The following TRPT1 variants were observed in gnomAD, a reference collection of about 807,000 sequenced individuals.
TRPT1 encodes tRNA 2'-phosphotransferase 1.
TRPT1 carries 22 observed loss-of-function variants against 28.4 expected under a neutral mutation model. The observed-to-expected ratio is 0.78, with a 90% confidence interval of 0.55 to 1.11. TRPT1 has a LOEUF of 1.11. TRPT1 is among the 50% of genes least tolerant of loss of function. TRPT1 has a pLI of 0.00. For synonymous variants in TRPT1, 137 were observed against 132.4 expected (o/e 1.03, Z -0.24); for missense variants, 308 against 317.7 (o/e 0.97, Z 0.23).
At position 64,223,903 on chromosome 11, in the gene TRPT1, G is replaced by A. The variant is rs767364523; in HGVS notation, c.735C>T (p.Ser245=). ...ATTGTTGGATCCTCCTCCTTTCTCT[G>A]GAGCTGTGCTTGGGGCTACTCTGAC... ...TECQSSPKHS[S]RERRRIQQ The change falls in exon 8 of 8, where the codon TCC becomes TCT. Residue 245 remains serine, a synonymous_variant. Coordinates refer to ENST00000317459, the MANE Select transcript of TRPT1 (RefSeq NM_001033678.4). The A allele has an allele frequency of 1.6e-5, 25 of 1,611,818 alleles. No homozygotes were observed. The highest frequency in any genetic ancestry group is 2.0e-5 in the Non-Finnish European group (24 of 1,178,756).
intron 6 of TRPT1, 35 bp downstream of exon 6, chr11:64,224,250 A>G: frequency 6.2e-7 from 1 of 1,613,388 alleles, no homozygotes; most frequent in Non-Finnish European, 8.5e-7. Flanking sequence ...GCCCTCCCCG[A>G]AGGCAAGGGC....
intron 1 of TRPT1, 23 bp downstream of exon 1, chr11:64,226,027 A>G (rs1946996900): frequency 5.0e-6 from 3 of 598,828 alleles, no homozygotes; most frequent in Middle Eastern, 3.3e-4. Context: ...GAGGGAAACT[A>G]AGGCCCAGCA....
rs1159393439 is a variant in TRPT1 at position 64,224,556 on chromosome 11, G to A, written c.489C>T (p.Pro163=). ...IHLAPGLPGD[P]GIISGMRSHC... is the part of the protein sequence containing the mutation. ...GAGGGCACTGACCACTGATGATACC[G>A]GGGTCTCCAGGCAGTCCTGGGGCCA... The change falls in exon 5 of 8, where the codon CCC becomes CCT. Residue 163 remains proline, a synonymous_variant. Transcript: ENST00000317459. The A allele has an allele frequency of 6.4e-7, 1 of 1,568,264 alleles. No homozygotes were observed. Among genetic ancestry groups the A allele is most frequent in the East Asian group, 2.2e-5 (1 of 44,458 alleles).
At chr11:64,225,445 C>A in intron 3 of TRPT1, 54 bp downstream of exon 3, 1 of 1,498,702 alleles carries the variant, frequency 6.7e-7, no homozygotes, top group Non-Finnish European at 9.2e-7. Flanking sequence ...GAGTCGCAGA[C>A]AGGCTCACGT....
rs17849920 is a variant in TRPT1, at chr11:64,224,852, C to T, written c.276G>A (p.Gly92=). The T allele has an allele frequency of 6.2e-7, 1 of 1,613,452 alleles. No homozygotes were observed. Among genetic ancestry groups the T allele is most frequent in the East Asian group, 2.2e-5 (1 of 44,870 alleles). Residue 92 remains glycine, a synonymous_variant, in exon 4 of 8, where the codon GGG becomes GGA. Coordinates refer to ENST00000317459, the MANE Select transcript of TRPT1 (RefSeq NM_001033678.4). ...NRKQRFALQL[G]DPSTGLLIRA... is the part of the protein sequence containing the mutation. Reference sequence around the variant, plus strand: ...GGATGAGAAGGCCAGTGCTGGGATCCCCCAGCTGCAGGGCGAACCGCTGCT... The same window carrying T: ...GGATGAGAAGGCCAGTGCTGGGATCTCCCAGCTGCAGGGCGAACCGCTGCT...
chr11:64,224,580 C>T lies in TRPT1; in HGVS notation c.465G>A (p.Leu155=), dbSNP rs1320303567. 6.3e-7 allele frequency: 1 copy of T among 1,585,504 alleles called. No individual in the cohort carries two copies. The highest frequency in any genetic ancestry group is 1.3e-5 in the African/African-American group (1 of 74,556). Reference sequence around the variant, plus strand: ...CGGGGTCTCCAGGCAGTCCTGGGGCCAGGTGAATGTGCGTCCTTCCCTGGC... The same window carrying T: ...CGGGGTCTCCAGGCAGTCCTGGGGCTAGGTGAATGTGCGTCCTTCCCTGGC... ...LSCQGRTHIH[L]APGLPGDPGI... The change falls in exon 5 of 8, where the codon CTG becomes CTA. Residue 155 remains leucine (L), a synonymous_variant. Transcript: ENST00000317459.
In TRPT1 at chr11:64,226,148, T is replaced by G. The variant is rs1947005648; in HGVS notation, c.-108A>C. ...GGTGGTCCGGGAGGCAGGGCCGACG[T>G]GCCGACGGACCGGGCGGAAGCGTCG... On this transcript the variant is annotated 5_prime_UTR_variant, in exon 1 of 8. Coordinates refer to ENST00000317459, the MANE Select transcript of TRPT1 (RefSeq NM_001033678.4). The G allele has an allele frequency of 4.6e-6, 2 of 438,948 alleles. No individual in the cohort carries two copies. Among genetic ancestry groups the G allele is most frequent in the Non-Finnish European group, 8.0e-6 (2 of 249,012 alleles). The allele number at this position is 438,948 out of a possible 1,614,324, so 27.2% of individuals were successfully genotyped here. A position where few individuals can be genotyped will look rare whatever the true frequency, so the allele number is the denominator to read the frequency against.
At chr11:64,224,455 G>A (rs1343376296) in intron 5 of TRPT1, 88 bp downstream of exon 5, 1 of 1,590,024 alleles carries the variant, frequency 6.3e-7, no homozygotes, top group Non-Finnish European at 8.6e-7. Context: ...CGGACATGGG[G>A]TGGCCCCAGA....
chr11:64,223,852 ATTTCTTTTTTATAAATTAATAT>A lies in TRPT1; in HGVS notation c.*2_*23del, dbSNP rs1946787712. 1 of 1,479,990 alleles carries A rather than the reference ATTTCTTTTTTATAAATTAATAT, an allele frequency of 6.8e-7. No individual in the cohort carries two copies. Among genetic ancestry groups the A allele is most frequent in the African/African-American group, 1.4e-5 (1 of 69,684 alleles). The allele number at this position is 1,479,990 out of a possible 1,614,324, so 91.7% of individuals were successfully genotyped here. A position where few individuals can be genotyped will look rare whatever the true frequency, so the allele number is the denominator to read the frequency against. The stretch of plus-strand genomic sequence containing the variant: ...GAGTTCTTTCTTGTTACTTTTTAAA[ATTTCTTTTTTATAAATTAATAT>A]TTTATTGTTGGATCCTCCTCCTTTC... On this transcript the variant is annotated 3_prime_UTR_variant, in exon 8 of 8. Coordinates refer to ENST00000317459, the MANE Select transcript of TRPT1 (RefSeq NM_001033678.4).
chr11:64,224,775 T>C (rs1350174129), intron 4 of TRPT1, 26 bp downstream of exon 4: 1 of 1,612,326 alleles, frequency 6.2e-7, no homozygotes, highest in African/African-American at 1.3e-5. Flanking sequence ...TCCCATCTCG[T>C]CTCGCACTTG....
chr11:64,225,831 T>C lies in TRPT1; in HGVS notation c.30A>G (p.Glu10=). 6.4e-7 allele frequency: 1 copy of C among 1,555,610 alleles called. No homozygotes were observed. Among genetic ancestry groups the C allele is most frequent in the Non-Finnish European group, 8.7e-7 (1 of 1,148,788 alleles). MNFSGGGRQ[E]AAGSRGRRAP... is the part of the protein sequence containing the mutation. ...CCCTTCTACCCCTGGACCCTGCTGC[T>C]TCCTGCCTCCCTCCTCCAGAGAAGT... is the stretch of plus-strand genomic sequence containing the variant. Residue 10 remains glutamate, a synonymous_variant, in exon 2 of 8, where the codon GAA becomes GAG. Transcript: ENST00000317459.
rs146774292 is a variant in TRPT1 at position 64,224,184 on chromosome 11, T to C, written c.586A>G (p.Asn196Asp). 339 of 1,609,340 alleles carry C rather than the reference T, an allele frequency of 2.1e-4. 1 individual carries two copies. The highest frequency in any genetic ancestry group is 4.2e-4 in the South Asian group (38 of 90,748). Residue 196 changes from asparagine (N) to aspartate (D), a missense_variant, in exon 7 of 8, where the codon AAT becomes GAT. By Grantham distance (23) the Asn-to-Asp change is conservative. Transcript: ENST00000317459. ...TTCCCTGGAGTCAGAATCACCCCAT[T>C]GGCAGAGCGGAAGAAGGGTATTCCA... ...ADGIPFFRSA[N>D]GVILTPGNTD...
intron 3 of TRPT1, 175 bp from the exon 4 acceptor site, chr11:64,225,145 A>G: frequency 1.4e-6 from 1 of 730,274 alleles, no homozygotes; most frequent in Non-Finnish European, 2.2e-6. Flanking sequence ...TTACATAAAA[A>G]GAGGATCTGC....
chr11:64,226,217 C>T, upstream of TRPT1: 1 of 405,676 alleles, frequency 2.5e-6, no homozygotes, highest in Non-Finnish European at 4.1e-6. Flanking sequence ...CGCGGCGGAC[C>T]CGCCAATGAA....
chr11:64,225,608 T>A, intron 2 of TRPT1, 28 bp from the exon 3 acceptor site: 1 of 1,593,372 alleles, frequency 6.3e-7, no homozygotes. Context: ...TGGCCCCTAG[T>A]CTCCATGGTG....
Position 64,225,805 on chromosome 11 carries a change from G to C in TRPT1, c.56C>G (p.Ala19Gly). Reference sequence around the variant, plus strand: ...GCGCACCTGTTCTCGGGGTCTGGGAGCCCTTCTACCCCTGGACCCTGCTGC... The same window carrying C: ...GCGCACCTGTTCTCGGGGTCTGGGACCCCTTCTACCCCTGGACCCTGCTGC... ...QEAAGSRGRR[A>G]PRPREQDRDV... Residue 19 changes from alanine to glycine, a missense_variant, in exon 2 of 8, where the codon GCT (alanine) becomes GGT (glycine). By Grantham distance (60) the Ala-to-Gly change is moderately conservative. Transcript: ENST00000317459. The C allele has an allele frequency of 6.4e-7, 1 of 1,553,676 alleles. No individual in the cohort carries two copies. Among genetic ancestry groups the C allele is most frequent in the Non-Finnish European group, 8.7e-7 (1 of 1,148,134 alleles).
At position 64,224,690 on chromosome 11, in the gene TRPT1, C is replaced by G. The variant is rs539012162; in HGVS notation, c.355G>C (p.Glu119Gln). 1.4e-4 allele frequency: 224 copies of G among 1,598,906 alleles called. 1 individual carries two copies. In the South Asian group the frequency reaches 2.4e-3, roughly 17 times the overall value. ...QVPKLELMPL[E>Q]TPQALPPMLV... ...ATCGGGGGCAGGGCCTGCGGTGTCT[C>G]CAGGGGCATCAGCTCCAACTTAGGT... The change falls in exon 5 of 8, where the codon GAG becomes CAG. Residue 119 changes from glutamate (E) to glutamine (Q), a missense_variant. Glu to Gln is a conservative substitution (Grantham distance 29). Transcript: ENST00000317459.
At position 64,224,625 on chromosome 11, in the gene TRPT1, G is replaced by A. The variant is rs377206849; in HGVS notation, c.420C>T (p.Ile140=). 7.5e-6 allele frequency: 12 copies of A among 1,608,234 alleles called. No individual in the cohort carries two copies. Among genetic ancestry groups the A allele is most frequent in the Non-Finnish European group, 1.0e-5 (12 of 1,176,640 alleles). ...HGTFWKHWPS[I]LLKGLSCQGR... ...CCTGGCAGGACAGGCCTTTGAGTAG[G>A]ATGGATGGCCAGTGCTTCCAGAATG... The change falls in exon 5 of 8, where the codon ATC becomes ATT. Residue 140 remains isoleucine (I), a synonymous_variant. Coordinates refer to ENST00000317459, the MANE Select transcript of TRPT1 (RefSeq NM_001033678.4).
chr11:64,225,724 C>A, intron 2 of TRPT1, 62 bp downstream of exon 2: 1 of 1,421,636 alleles, frequency 7.0e-7, no homozygotes. Flanking sequence ...CCTTCAGCTC[C>A]GCCCCCCAGC....
Sources: allele counts gnomAD v4.1 joint callset, GRCh38; gene constraint gnomAD v4.1.1; transcripts MANE v1.5; gene names NCBI Gene and HGNC (gene_info 2026-07-23, HGNC 2026-07-21).